PRELID2: variants seen among roughly 807,000 people sequenced by gnomAD.
The protein encoded by PRELID2 is PRELI domain containing 2.
In PRELID2, 25 loss-of-function variants were observed where a neutral mutation model predicts 28.4. The observed-to-expected ratio is 0.88, with a 90% CI of 0.64 to 1.23. The LOEUF is 1.23. Ranked by LOEUF, PRELID2 falls within the 50% of genes most tolerant of loss-of-function variation. The pLI is 0.00. For synonymous variants in PRELID2, 76 were observed against 71.6 expected (o/e 1.06, Z -0.31); for missense variants, 201 against 214.4 (o/e 0.94, Z 0.39).
chr5:145,696,716 G>A (rs141445521), intron 1 of PRELID2, among the ~76,000 whole-genome samples: 4,040 of 151,692 alleles, frequency 0.027, 195 homozygotes, highest in African/African-American at 0.092. Flanking sequence ...TGCCCACCTC[G>A]GCCTCCCAAA....
intron 1 of PRELID2, among the ~76,000 whole-genome samples, chr5:145,645,793 C>T (rs1417776490): frequency 6.6e-6 from 1 of 152,114 alleles, no homozygotes; most frequent in African/African-American, 2.4e-5. Flanking sequence ...ATTTATGAAG[C>T]TTAGTTTGGC....
chr5:145,802,491 T>G (rs1753201787), intron 4 of PRELID2, among the ~76,000 whole-genome samples: 1 of 151,194 alleles, frequency 6.6e-6, no homozygotes, highest in Non-Finnish European at 1.5e-5. Context: ...ATGGAGGGAG[T>G]ATAGGGAAGA....
chr5:145,820,201 A>G (rs1363696368), intron 2 of PRELID2, among the ~76,000 whole-genome samples, 183 bp from the exon 3 acceptor site: 1 of 151,420 alleles, frequency 6.6e-6, no homozygotes, highest in East Asian at 1.9e-4. Flanking sequence ...TCCTGGGTTC[A>G]AGGGATTCTC....
rs2149757742 is a variant in PRELID2 at position 145,757,656 on chromosome 5, A to G, written c.*2880T>C. On this transcript the variant is annotated 3_prime_UTR_variant, in exon 7 of 7. Transcript: ENST00000683046. ...AAACATATAATTTAAAAAAATTAACAAGCCCTAATTAATTCCAAAAAGAGG... is the reference window on the plus strand; with the variant it reads ...AAACATATAATTTAAAAAAATTAACGAGCCCTAATTAATTCCAAAAAGAGG... 6.6e-6 allele frequency among the ~76,000 whole-genome samples: 1 copy of G among 152,178 alleles called. No homozygotes were observed. Among genetic ancestry groups the G allele is most frequent in the African/African-American group, 2.4e-5 (1 of 41,536 alleles).
chr5:145,835,115 G>A (rs992646531), intron 1 of PRELID2, 62 bp downstream of exon 1: 13 of 1,174,052 alleles, frequency 1.1e-5, no homozygotes, highest in Non-Finnish European at 1.6e-5. Context: ...GGATGAAGGA[G>A]AGGAGAGAGG....
At chr5:145,254,016 T>TACACAC in the PRELID2 span, among the ~76,000 whole-genome samples, 1 of 151,688 alleles carries the variant, frequency 6.6e-6, no homozygotes, top group Non-Finnish European at 1.5e-5. Context: ...CACACACACA[T>TACACAC]ACACACACAC....
the PRELID2 span, among the ~76,000 whole-genome samples, chr5:145,398,690 C>T: frequency 6.6e-6 from 1 of 152,010 alleles, no homozygotes; most frequent in Non-Finnish European, 1.5e-5. Context: ...TTCCTGTTCA[C>T]GTGGAGCTTG....
chr5:145,322,930 G>T, the PRELID2 span, among the ~76,000 whole-genome samples: 3 of 152,002 alleles, frequency 2.0e-5, no homozygotes, highest in African/African-American at 7.2e-5. Flanking sequence ...GCAGTGAGCC[G>T]AGATCGCACC....
At chr5:145,660,272 G>A (rs1215726634) in intron 1 of PRELID2, among the ~76,000 whole-genome samples, 1 of 152,070 alleles carries the variant, frequency 6.6e-6, no homozygotes, top group Non-Finnish European at 1.5e-5. Flanking sequence ...TAATCTTTTT[G>A]TGTTTCTTTT....
the PRELID2 span, among the ~76,000 whole-genome samples, chr5:145,425,845 T>G: frequency 6.6e-6 from 1 of 151,724 alleles, no homozygotes; most frequent in African/African-American, 2.4e-5. Flanking sequence ...AACTTAAAAG[T>G]TGAAGAAAAA....
chr5:145,236,372 C>T, the PRELID2 span, among the ~76,000 whole-genome samples: 1 of 152,170 alleles, frequency 6.6e-6, no homozygotes, highest in Admixed American at 6.6e-5. Context: ...GCAACACCCT[C>T]TTCCAAAGAA....
chr5:145,297,789 A>G, the PRELID2 span, among the ~76,000 whole-genome samples: 10 of 152,120 alleles, frequency 6.6e-5, no homozygotes, highest in African/African-American at 9.7e-5. Context: ...TACAAAATCA[A>G]GGTACAAAAA....
At chr5:145,262,470 T>A in the PRELID2 span, among the ~76,000 whole-genome samples, 1 of 151,982 alleles carries the variant, frequency 6.6e-6, no homozygotes. Context: ...AGAAAACCTA[T>A]CAGATTAATA....
chr5:145,243,707 G>C, the PRELID2 span, among the ~76,000 whole-genome samples: 1 of 149,026 alleles, frequency 6.7e-6, no homozygotes, highest in Non-Finnish European at 1.5e-5. Context: ...TATTTCACTT[G>C]GTAATATACA....
the PRELID2 span, among the ~76,000 whole-genome samples, chr5:145,263,870 G>T: frequency 2.1e-5 from 3 of 140,850 alleles, no homozygotes; most frequent in Non-Finnish European, 3.1e-5. Context: ...AAAAAAAAAA[G>T]TCCAGGACCA....
intron 1 of PRELID2, among the ~76,000 whole-genome samples, chr5:145,660,777 A>C (rs1339624437): frequency 6.6e-6 from 1 of 152,234 alleles, no homozygotes; most frequent in East Asian, 1.9e-4. Context: ...CAAAAGCACT[A>C]TACGAAAGAA....
At chr5:145,834,989 G>C (rs1194729403) in intron 1 of PRELID2, 188 bp downstream of exon 1, 5 of 503,778 alleles carry the variant, frequency 9.9e-6, no homozygotes, top group Admixed American at 7.0e-5. Flanking sequence ...TGCCAAGCAC[G>C]GCCCCTTTTC....
chr5:145,291,335 C>CACAAAAAAAAAAA, the PRELID2 span, among the ~76,000 whole-genome samples: 8 of 57,476 alleles, frequency 1.4e-4, no homozygotes, highest in African/African-American at 8.7e-4. Context: ...GACTCTGTTT[C>CACAAAAAAAAAAA]AGAAAAAAAA....
chr5:145,275,484 G>A, the PRELID2 span, among the ~76,000 whole-genome samples: 55,674 of 151,844 alleles, frequency 0.37, 11,375 homozygotes, highest in African/African-American at 0.54. Context: ...GTGACCCAAG[G>A]ATGAGAAAAT....
Sources: gnomAD v4.1 joint callset for allele counts (sites outside exome capture counted in the v4.1 genomes callset) on GRCh38, gnomAD v4.1.1 for gene constraint, MANE v1.5 for transcripts, NCBI Gene and HGNC (gene_info 2026-07-23, HGNC 2026-07-21) for gene names.